The following SLC36A1 variants were observed in gnomAD, a reference collection of about 807,000 sequenced individuals.
SLC36A1 encodes the protein solute carrier family 36 member 1.
SLC36A1 carries 30 observed loss-of-function variants against 47.5 expected under a neutral mutation model. That is an observed-to-expected ratio of 0.63 (90% CI 0.47 to 0.86). SLC36A1 has a LOEUF of 0.86. Ranked by LOEUF, SLC36A1 falls within the 40% of genes least tolerant of loss-of-function variation. The pLI, the probability that SLC36A1 is intolerant of heterozygous loss-of-function variation, is 0.00. For synonymous variants in SLC36A1, 255 were observed against 249.7 expected (o/e 1.02, Z -0.20); for missense variants, 517 against 606.0 (o/e 0.85, Z 1.54).
At chr5:151,529,834 A>T in the SLC36A1 span, among the ~76,000 whole-genome samples, 1 of 152,214 alleles carries the variant, frequency 6.6e-6, no homozygotes, top group Admixed American at 6.5e-5. Context: ...ATTCATTAAT[A>T]CTCAAAGTTG....
chr5:151,367,374 T>TTCCCC, the SLC36A1 span, among the ~76,000 whole-genome samples: 63 of 145,530 alleles, frequency 4.3e-4, 2 homozygotes, highest in African/African-American at 1.6e-3. Flanking sequence ...TTTTTTTTTT[T>TTCCCC]CCCCAGGGTA....
At chr5:151,498,049 G>A in the SLC36A1 span, among the ~76,000 whole-genome samples, 1 of 151,768 alleles carries the variant, frequency 6.6e-6, no homozygotes, top group Admixed American at 6.6e-5. Context: ...GGGTTCAAGC[G>A]ATTCTCTGCC....
intron 1 of SLC36A1, among the ~76,000 whole-genome samples, chr5:151,437,685 C>T (rs553685542): frequency 6.6e-6 from 1 of 152,208 alleles, no homozygotes; most frequent in African/African-American, 2.4e-5. Context: ...ACCTTCATAA[C>T]TTTAATAATG....
At chr5:151,483,860 C>T (rs932175841) in intron 10 of SLC36A1, among the ~76,000 whole-genome samples, 2 of 152,066 alleles carry the variant, frequency 1.3e-5, no homozygotes, top group African/African-American at 4.8e-5. Context: ...TAGGGTTCAG[C>T]GGTGGTATGT....
chr5:151,531,900 C>T, the SLC36A1 span: 4 of 1,614,190 alleles, frequency 2.5e-6, no homozygotes, highest in South Asian at 1.1e-5. This position sits in a 1 kb window ranked among gnomAD's most constrained non-coding sequence, Gnocchi z 5.7. Context: ...GGATCACCCC[C>T]GTGGTGGCGT....
At chr5:151,502,420 A>G in the SLC36A1 span, among the ~76,000 whole-genome samples, 1 of 148,476 alleles carries the variant, frequency 6.7e-6, no homozygotes, top group East Asian at 1.9e-4. Context: ...ACTGTTTTCT[A>G]AAATATACAA....
chr5:151,437,963 A>G (rs2127438306), intron 1 of SLC36A1, among the ~76,000 whole-genome samples: 2 of 152,194 alleles, frequency 1.3e-5, no homozygotes, highest in Middle Eastern at 6.8e-3. Context: ...CTTTAAAGCC[A>G]GTAGAATAGA....
chr5:151,552,614 G>A, the SLC36A1 span, among the ~76,000 whole-genome samples: 153 of 152,298 alleles, frequency 1.0e-3, no homozygotes, highest in Admixed American at 9.2e-4. Context: ...GGACCTAAGC[G>A]TTCGTCAGAT....
the SLC36A1 span, among the ~76,000 whole-genome samples, chr5:151,379,038 G>A: frequency 1.3e-5 from 2 of 152,196 alleles, no homozygotes; most frequent in Non-Finnish European, 2.9e-5. Flanking sequence ...CAAAGCCCAA[G>A]CCCTGGAAAT....
At chr5:151,392,367 A>AT in the SLC36A1 span, among the ~76,000 whole-genome samples, 1 of 151,922 alleles carries the variant, frequency 6.6e-6, no homozygotes, top group East Asian at 1.9e-4. Context: ...GGATTCATTG[A>AT]TTTTTTTGAA....
the SLC36A1 span, chr5:151,537,830 G>A: frequency 6.8e-6 from 11 of 1,614,034 alleles, no homozygotes; most frequent in East Asian, 2.2e-5. Flanking sequence ...GCGCCCCAGG[G>A]CCATGCAGAG....
downstream of SLC36A1, among the ~76,000 whole-genome samples, chr5:151,495,056 C>T (rs1470273767): frequency 6.6e-6 from 1 of 152,222 alleles, no homozygotes; most frequent in Non-Finnish European, 1.5e-5. Context: ...TGTGTGCTAA[C>T]TTTTGGCAAA....
the SLC36A1 span, among the ~76,000 whole-genome samples, chr5:151,374,126 G>A: frequency 1.3e-5 from 2 of 152,168 alleles, no homozygotes; most frequent in East Asian, 3.8e-4. Context: ...AGAGCTGGCT[G>A]GAGGACACCT....
At chr5:151,366,480 C>A in the SLC36A1 span, 1 of 299,464 alleles carries the variant, frequency 3.3e-6, no homozygotes, top group South Asian at 3.4e-5. Context: ...CCAAAAATCC[C>A]ACAAAGCCCA....
chr5:151,434,578 A>T (rs1561706565), upstream of SLC36A1, among the ~76,000 whole-genome samples: 1 of 152,174 alleles, frequency 6.6e-6, no homozygotes, highest in South Asian at 2.1e-4. Context: ...GAGGGAAAAT[A>T]GAGAATAGAA....
chr5:151,356,721 A>T, the SLC36A1 span, among the ~76,000 whole-genome samples: 1 of 152,220 alleles, frequency 6.6e-6, no homozygotes, highest in Non-Finnish European at 1.5e-5. Flanking sequence ...CTGGGCATTC[A>T]GTTGTGGTCA....
At chr5:151,356,083 G>T in the SLC36A1 span, among the ~76,000 whole-genome samples, 1 of 151,702 alleles carries the variant, frequency 6.6e-6, no homozygotes, top group Admixed American at 6.6e-5. Flanking sequence ...AATACAGGAG[G>T]ATCCCAGAAC....
the SLC36A1 span, among the ~76,000 whole-genome samples, chr5:151,431,976 G>A: frequency 2.6e-5 from 4 of 152,114 alleles, no homozygotes; most frequent in South Asian, 2.1e-4. Flanking sequence ...GCACAGACTC[G>A]GCAGCTTAGG....
chr5:151,349,798 G>A, the SLC36A1 span, among the ~76,000 whole-genome samples: 4 of 152,298 alleles, frequency 2.6e-5, 1 homozygote, highest in Admixed American at 2.6e-4. Flanking sequence ...AACGTGGTGT[G>A]TATCAAAGCA....
Sources: allele counts gnomAD v4.1 joint callset (sites outside exome capture counted in the v4.1 genomes callset), GRCh38; gene constraint gnomAD v4.1.1; non-coding constraint Gnocchi (gnomAD v3.1); transcripts MANE v1.5; gene names NCBI Gene and HGNC (gene_info 2026-07-23, HGNC 2026-07-21).